The following RIMS1 variants were observed in gnomAD, a reference collection of about 807,000 sequenced individuals.
RIMS1 encodes regulating synaptic membrane exocytosis 1.
RIMS1 carries 83 observed loss-of-function variants against 214.1 expected under a neutral mutation model. The observed-to-expected ratio is 0.39, with a 90% CI of 0.32 to 0.47. The LOEUF (loss-of-function observed/expected upper bound fraction) is 0.47. Ranked by LOEUF, RIMS1 falls within the 20% of genes least tolerant of loss-of-function variation. The pLI is 0.99. For synonymous variants in RIMS1, 793 were observed against 786.8 expected, an observed-to-expected ratio of 1.01 and a Z score of -0.13; for missense variants, 2,050 against 2,161.8, an observed-to-expected ratio of 0.95 and a Z score of 1.03.
intron 1 of RIMS1, among the ~76,000 whole-genome samples, chr6:71,896,077 C>T (rs868325763): frequency 3.3e-5 from 5 of 152,134 alleles, no homozygotes; most frequent in African/African-American, 1.2e-4. Context: ...AGACATTTTA[C>T]ATCCTAGTAT....
intron 4 of RIMS1, among the ~76,000 whole-genome samples, chr6:72,121,911 C>T (rs573888276): frequency 1.3e-5 from 2 of 151,938 alleles, no homozygotes; most frequent in South Asian, 4.2e-4. Flanking sequence ...TTGAGATAAT[C>T]ATGTGGTTTT....
At chr6:72,254,257 A>G (rs1008862452) in intron 16 of RIMS1, among the ~76,000 whole-genome samples, 5 of 152,188 alleles carry the variant, frequency 3.3e-5, no homozygotes, top group African/African-American at 1.2e-4. Context: ...ATACTTATAT[A>G]TTAACCTTTG....
chr6:72,216,262 GA>G lies in RIMS1; in HGVS notation c.1679-17501del, dbSNP rs545889554. 5.6e-3 allele frequency among the ~76,000 whole-genome samples: 845 copies of G among 149,850 alleles called. 9 individuals carry two copies. Among genetic ancestry groups the G allele is most frequent in the Non-Finnish European group, 6.4e-3 (430 of 67,350 alleles). Reference sequence around the variant, plus strand: ...GGATAATTATTCTGTGTCTCAGTGAGAAAAAAAAAATCTATTGTATTATGAA... The same window carrying G: ...GGATAATTATTCTGTGTCTCAGTGAGAAAAAAAAATCTATTGTATTATGAA... On this transcript the variant is annotated intron_variant, in intron 6 of 33. Transcript: ENST00000521978.
intron 4 of RIMS1, among the ~76,000 whole-genome samples, chr6:72,108,431 C>T (rs1337513578): frequency 6.6e-6 from 1 of 152,142 alleles, no homozygotes; most frequent in East Asian, 1.9e-4. Flanking sequence ...ACTACATCAT[C>T]ACCACTAAAC....
rs1418775773 is a variant in RIMS1 at position 72,182,209 on chromosome 6, G to C, written c.813-75G>C. 4 of 1,418,974 alleles carry C rather than the reference G, an allele frequency of 2.8e-6. No homozygotes were observed. In the East Asian group the frequency reaches 6.9e-5, roughly 25 times the overall value. The allele number at this position is 1,418,974 out of a possible 1,614,324, so 87.9% of individuals were successfully genotyped here. On this transcript the variant is annotated intron_variant, in intron 5 of 33. Coordinates refer to ENST00000521978, the MANE Select transcript of RIMS1 (RefSeq NM_014989.7). ...TTGTAACTGAAATGATTTAAGACTG[G>C]AATGAGAAGAAAACATGTTTTTTAT...
rs149261411 is a variant in RIMS1 at position 72,276,007 on chromosome 6, G to T, written c.3482+1575G>T. Among the ~76,000 whole-genome samples, 21 of 151,970 alleles carry T rather than the reference G, an allele frequency of 1.4e-4. No individual in the cohort carries two copies. In the East Asian group the frequency reaches 3.7e-3, roughly 27 times the overall value. On this transcript the variant is annotated intron_variant, in intron 23 of 33. Transcript: ENST00000521978. Reference sequence around the variant, plus strand: ...TGGGGAGGATTACTTGAGCCCAGGAGTTTGAGATCAGCCTGGGCACCACAG... The same window carrying T: ...TGGGGAGGATTACTTGAGCCCAGGATTTTGAGATCAGCCTGGGCACCACAG...
intron 2 of RIMS1, among the ~76,000 whole-genome samples, chr6:71,993,882 T>C (rs1171450600): frequency 6.6e-6 from 1 of 152,224 alleles, no homozygotes; most frequent in African/African-American, 2.4e-5. Flanking sequence ...AATATATTTT[T>C]ATTTCTATTA....
chr6:72,033,351 C>T (rs900399836), intron 2 of RIMS1, among the ~76,000 whole-genome samples: 2 of 152,216 alleles, frequency 1.3e-5, no homozygotes, highest in Non-Finnish European at 2.9e-5. Flanking sequence ...CTGCCTATTG[C>T]TTGCCCTACC....
chr6:72,373,936 G>A (rs960711148), intron 29 of RIMS1, among the ~76,000 whole-genome samples: 1 of 151,732 alleles, frequency 6.6e-6, no homozygotes, highest in Non-Finnish European at 1.5e-5. Context: ...ATTTTTTTGA[G>A]TTGAAGTCTC....
At position 72,398,972 on chromosome 6, in the gene RIMS1, T is replaced by C; in HGVS notation, c.4738T>C (p.Tyr1580His). Residue 1580 changes from tyrosine (Y) to histidine (H), a missense_variant, in exon 33 of 34, where the codon TAT becomes CAT. Coordinates refer to ENST00000521978, the MANE Select transcript of RIMS1 (RefSeq NM_014989.7). ...KSTPAPYVKV[Y>H]LLENGACIAK... ...TTGTTTAGCTCCATATGTCAAAGTA[T>C]ATCTTTTGGAAAATGGGGCCTGTAT... is the stretch of plus-strand genomic sequence containing the variant. 1 of 1,600,152 alleles carries C rather than the reference T, an allele frequency of 6.2e-7. No homozygotes were observed.
intron 2 of RIMS1, among the ~76,000 whole-genome samples, chr6:72,074,465 A>C (rs1200860056): frequency 6.6e-6 from 1 of 152,170 alleles, no homozygotes; most frequent in Non-Finnish European, 1.5e-5. Flanking sequence ...GGAGTTCGAG[A>C]CCAGCCTGGG....
intron 6 of RIMS1, among the ~76,000 whole-genome samples, chr6:72,202,150 C>T (rs925961389): frequency 6.6e-6 from 1 of 152,202 alleles, no homozygotes; most frequent in African/African-American, 2.4e-5. Flanking sequence ...AATTTTAATT[C>T]CAGTAAACCC....
chr6:72,139,216 C>G (rs148590101), intron 4 of RIMS1, among the ~76,000 whole-genome samples: 1 of 152,222 alleles, frequency 6.6e-6, no homozygotes, highest in African/African-American at 2.4e-5. Flanking sequence ...TGTAGGGCTC[C>G]TCGTCTTCAC....
At chr6:72,129,236 T>C (rs1308074222) in intron 4 of RIMS1, among the ~76,000 whole-genome samples, 2 of 152,212 alleles carry the variant, frequency 1.3e-5, no homozygotes, top group East Asian at 1.9e-4. Context: ...TGAAATATTA[T>C]CTGTGAAGCA....
intron 2 of RIMS1, among the ~76,000 whole-genome samples, chr6:72,084,554 A>G (rs1834188761): frequency 6.6e-6 from 1 of 152,196 alleles, no homozygotes; most frequent in Admixed American, 6.6e-5. Context: ...TGAGCCTTCT[A>G]CACATGTAGC....
chr6:72,393,824 A>G (rs973534030), intron 31 of RIMS1, among the ~76,000 whole-genome samples: 1 of 152,180 alleles, frequency 6.6e-6, no homozygotes, highest in African/African-American at 2.4e-5. Context: ...CATTACCTTC[A>G]GAATTCGGAG....
chr6:72,149,013 G>C (rs916449511), intron 4 of RIMS1, among the ~76,000 whole-genome samples: 1 of 151,978 alleles, frequency 6.6e-6, no homozygotes, highest in Admixed American at 6.6e-5. Context: ...AATCTGCCAC[G>C]TAGAAAAGCT....
At chr6:72,151,374 G>T (rs1441043222) in intron 4 of RIMS1, among the ~76,000 whole-genome samples, 3 of 152,166 alleles carry the variant, frequency 2.0e-5, no homozygotes, top group African/African-American at 4.8e-5. Flanking sequence ...AACGTAACCA[G>T]CGGAATCAGG....
intron 2 of RIMS1, among the ~76,000 whole-genome samples, chr6:72,083,474 G>GC (rs1833912120): frequency 6.6e-6 from 1 of 151,920 alleles, no homozygotes; most frequent in Non-Finnish European, 1.5e-5. Flanking sequence ...TTTTCACTCT[G>GC]ACTTCCATCT....
Sources: allele counts gnomAD v4.1 joint callset (sites outside exome capture counted in the v4.1 genomes callset), GRCh38; gene constraint gnomAD v4.1.1; transcripts MANE v1.5; gene names NCBI Gene and HGNC (gene_info 2026-07-23, HGNC 2026-07-21).